The following SORD variants were observed in gnomAD, a reference collection of about 807,000 sequenced individuals.
SORD encodes (R,R)-butanediol dehydrogenase.
SORD carries 18 observed loss-of-function variants against 35.6 expected under a neutral mutation model. That is an observed-to-expected ratio of 0.51 (90% CI 0.35 to 0.75). The LOEUF (loss-of-function observed/expected upper bound fraction) is 0.75. Among genes scored for constraint, SORD ranks in the 30% least tolerant of loss-of-function variants. The pLI, the probability that SORD is intolerant of heterozygous loss-of-function variation, is 0.01. For missense variants in SORD, 250 were observed against 390.2 expected (o/e 0.64, Z 3.03); for synonymous variants, 106 against 152.9 (o/e 0.69, Z 2.26).
At position 45,069,194 on chromosome 15, in the gene SORD, C is replaced by CTTTTTTT. The variant is rs752540495; in HGVS notation, c.786+166_786+172dup. 1,027 of 117,040 alleles carry CTTTTTTT rather than the reference C, an allele frequency of 8.8e-3. 54 individuals carry two copies. Among genetic ancestry groups the CTTTTTTT allele is most frequent in the Non-Finnish European group, 0.014 (761 of 55,068 alleles). 7.3% of individuals were successfully genotyped at this position (117,040 alleles called of 1,614,324 possible). ...CTTTTGCCATCTATGTTTTCTTTTT[C>CTTTTTTT]TTTTTTTTTTTTTTTTTTTTTTTTT... On this transcript the variant is annotated intron_variant, in intron 7 of 8. Coordinates refer to ENST00000267814, the MANE Select transcript of SORD (RefSeq NM_003104.6).
At chr15:45,024,066 A>G (rs1595491572) in intron 1 of SORD, among the ~76,000 whole-genome samples, 1 of 152,126 alleles carries the variant, frequency 6.6e-6, no homozygotes, top group East Asian at 1.9e-4. Context: ...AGCATTCTGT[A>G]TGTGTGTCCT....
At chr15:45,035,651 G>T (rs905610325) in intron 1 of SORD, among the ~76,000 whole-genome samples, 1 of 152,160 alleles carries the variant, frequency 6.6e-6, no homozygotes, top group Non-Finnish European at 1.5e-5. Flanking sequence ...CACTGTGGAA[G>T]CTTTGTTCTT....
intron 3 of SORD, among the ~76,000 whole-genome samples, chr15:45,051,986 C>T (rs569038603): frequency 1.2e-4 from 18 of 152,336 alleles, no homozygotes; most frequent in African/African-American, 4.1e-4. Context: ...ACAACTTGCT[C>T]AAACCTTCAG....
chr15:45,042,290 A>C (rs968889945), intron 2 of SORD: 1 of 151,976 alleles, frequency 6.6e-6, no homozygotes, highest in African/African-American at 2.4e-5. Flanking sequence ...TCAGGAGTTC[A>C]AGGCCAGCCT....
chr15:45,028,994 C>T (rs1892725300), intron 1 of SORD, among the ~76,000 whole-genome samples: 1 of 152,202 alleles, frequency 6.6e-6, no homozygotes, highest in South Asian at 2.1e-4. Context: ...GGCTGATAGT[C>T]ATGAAGCAGG....
At chr15:45,027,051 C>T (rs75607614) in intron 1 of SORD, among the ~76,000 whole-genome samples, 30,270 of 148,954 alleles carry the variant, frequency 0.2, no homozygotes, top group African/African-American at 0.44. Flanking sequence ...CAAGGAGGAG[C>T]ATTTATAAAT....
intron 1 of SORD, among the ~76,000 whole-genome samples, chr15:45,027,451 C>G (rs1287216811): frequency 6.6e-6 from 1 of 152,250 alleles, no homozygotes; most frequent in Non-Finnish European, 1.5e-5. Flanking sequence ...ACCAATTGTG[C>G]GTGTGAAAGG....
At chr15:45,061,847 C>A (rs548143046) in intron 4 of SORD, among the ~76,000 whole-genome samples, 1 of 151,936 alleles carries the variant, frequency 6.6e-6, no homozygotes, top group Non-Finnish European at 1.5e-5. Context: ...CCAGCCTGGG[C>A]AACAGACCGA....
chr15:45,038,078 T>G (rs1465696179), intron 1 of SORD, among the ~76,000 whole-genome samples: 1 of 152,086 alleles, frequency 6.6e-6, no homozygotes, highest in Admixed American at 6.6e-5. Context: ...CAATCAGCTA[T>G]CTTGAGGTGG....
intron 3 of SORD, among the ~76,000 whole-genome samples, chr15:45,059,966 A>G (rs1893276595): frequency 6.6e-6 from 1 of 152,168 alleles, no homozygotes; most frequent in Non-Finnish European, 1.5e-5. Context: ...TCCTCTGGGG[A>G]TGGGGCTGGG....
intron 1 of SORD, among the ~76,000 whole-genome samples, chr15:45,037,635 G>A (rs113683361): frequency 0.039 from 5,896 of 152,218 alleles, 146 homozygotes; most frequent in Non-Finnish European, 0.06. Context: ...AAAAGAATGA[G>A]ATCATGTCTT....
chr15:45,030,412 T>G (rs1892759128), intron 1 of SORD, among the ~76,000 whole-genome samples: 1 of 152,254 alleles, frequency 6.6e-6, no homozygotes, highest in African/African-American at 2.4e-5. Flanking sequence ...TTAGAAGTCT[T>G]TTAGTGTGGC....
intron 3 of SORD, among the ~76,000 whole-genome samples, chr15:45,055,917 A>T (rs1374223056): frequency 5.3e-5 from 8 of 152,132 alleles, no homozygotes; most frequent in Non-Finnish European, 8.8e-5. Context: ...GATGCAGAAA[A>T]GGCCTTTGAC....
At chr15:45,068,314 G>A (rs1893440604) in intron 6 of SORD, 68 bp downstream of exon 6, 1 of 1,136,144 alleles carries the variant, frequency 8.8e-7, no homozygotes, top group Admixed American at 1.7e-5. Flanking sequence ...GTGCATGTGT[G>A]AGGAGAGGTT....
In SORD at chr15:45,044,741, C is replaced by G. The variant is rs192030035; in HGVS notation, c.265+1320C>G. Among the ~76,000 whole-genome samples, 826 of 149,188 alleles carry G rather than the reference C, an allele frequency of 5.5e-3. 3 individuals are homozygous for G. The highest frequency in any genetic ancestry group is 0.019 in the African/African-American group (786 of 40,524). On this transcript the variant is annotated intron_variant, in intron 3 of 8. Transcript: ENST00000267814. ...TTTGACGGAGTCTCGCTCTGTCACCCAGGCTGGAGTGCAGTGGTGCAATCT... is the reference window on the plus strand; with the variant it reads ...TTTGACGGAGTCTCGCTCTGTCACCGAGGCTGGAGTGCAGTGGTGCAATCT...
intron 7 of SORD, among the ~76,000 whole-genome samples, chr15:45,071,229 C>G (rs942430555): frequency 6.6e-6 from 1 of 152,132 alleles, no homozygotes; most frequent in Non-Finnish European, 1.5e-5. Context: ...ATCTTGGCAG[C>G]TTGGAATGGC....
In SORD at chr15:45,059,751, G is replaced by C. The variant is rs188084239; in HGVS notation, c.266-1316G>C. 2.6e-3 allele frequency among the ~76,000 whole-genome samples: 399 copies of C among 152,296 alleles called. 2 individuals are homozygous for C. Among genetic ancestry groups the C allele is most frequent in the South Asian group, 6.4e-3 (31 of 4,826 alleles). On this transcript the variant is annotated intron_variant, in intron 3 of 8. Transcript: ENST00000267814. Reference sequence around the variant, plus strand: ...GATCCTCCTGCCTTGACCTCCCAAAGTGCTGGGATTATGAGATTATAGGCA... The same window carrying C: ...GATCCTCCTGCCTTGACCTCCCAAACTGCTGGGATTATGAGATTATAGGCA...
intron 3 of SORD, among the ~76,000 whole-genome samples, chr15:45,045,695 A>T (rs1443739173): frequency 6.6e-6 from 1 of 152,120 alleles, no homozygotes; most frequent in Non-Finnish European, 1.5e-5. Flanking sequence ...CATAATCTTT[A>T]TAAAAGTCCC....
chr15:45,025,456 G>C (rs950431118), intron 1 of SORD, among the ~76,000 whole-genome samples: 12 of 151,922 alleles, frequency 7.9e-5, no homozygotes, highest in Admixed American at 2.0e-4. Flanking sequence ...TGGCCAACAC[G>C]GTGAAACTGT....
Sources: gnomAD v4.1 joint callset for allele counts (sites outside exome capture counted in the v4.1 genomes callset) on GRCh38, gnomAD v4.1.1 for gene constraint, MANE v1.5 for transcripts, NCBI Gene and HGNC (gene_info 2026-07-23, HGNC 2026-07-21) for gene names.